The following DLG2 variants were observed in gnomAD, a reference collection of about 807,000 sequenced individuals.
The protein encoded by DLG2 is disks large homolog 2.
Under a neutral mutation model 132.5 loss-of-function variants are expected in DLG2, and 45 were observed. That is an observed-to-expected ratio of 0.34 (90% CI 0.27 to 0.44). The LOEUF (loss-of-function observed/expected upper bound fraction) is 0.44, where lower values mean the gene tolerates loss of function less well. Among genes scored for constraint, DLG2 ranks in the 20% least tolerant of loss-of-function variants. The probability of loss-of-function intolerance (pLI) is 1.00; values close to 1 mark genes in which losing one functional copy is unlikely to be tolerated. For synonymous variants in DLG2, 424 were observed against 419.6 expected, an observed-to-expected ratio of 1.01 and a Z score of -0.13; for missense variants, 1,045 against 1,196.9, an observed-to-expected ratio of 0.87 and a Z score of 1.87.
At chr11:85,312,588 C>T (rs970248870) in intron 3 of DLG2, among the ~76,000 whole-genome samples, 3 of 151,822 alleles carry the variant, frequency 2.0e-5, no homozygotes, top group Non-Finnish European at 4.4e-5. Flanking sequence ...GTCCCCAGAT[C>T]CTAAAGTTTC....
At chr11:84,783,764 T>A (rs970640185) in intron 6 of DLG2, among the ~76,000 whole-genome samples, 7 of 152,146 alleles carry the variant, frequency 4.6e-5, no homozygotes, top group Admixed American at 6.5e-5. Context: ...GGTTTTTGAT[T>A]CCTGTTTCAG....
intron 3 of DLG2, among the ~76,000 whole-genome samples, chr11:85,462,898 G>T (rs1169148731): frequency 1.3e-5 from 2 of 152,032 alleles, no homozygotes; most frequent in East Asian, 3.9e-4. Context: ...CAGAAAGGTG[G>T]GTCATCGATC....
chr11:84,721,507 T>C (rs555593338), intron 6 of DLG2, among the ~76,000 whole-genome samples: 1 of 151,710 alleles, frequency 6.6e-6, no homozygotes, highest in Admixed American at 6.6e-5. Context: ...TTGTTTGTTT[T>C]TTTGTTTTTA....
chr11:83,828,546 TAGA>T (rs1325687426), intron 17 of DLG2, among the ~76,000 whole-genome samples: 1 of 152,222 alleles, frequency 6.6e-6, no homozygotes, highest in Non-Finnish European at 1.5e-5. Context: ...ACATGTTTTT[TAGA>T]AGTTCTTCAT....
chr11:83,514,815 T>G (rs1346228322), intron 21 of DLG2, among the ~76,000 whole-genome samples: 1 of 152,184 alleles, frequency 6.6e-6, no homozygotes, highest in African/African-American at 2.4e-5. Flanking sequence ...TGGTTCTGTT[T>G]ATATGCTGGA....
intron 5 of DLG2, among the ~76,000 whole-genome samples, chr11:85,140,713 CCA>C (rs2076413042): frequency 6.6e-6 from 1 of 151,516 alleles, no homozygotes; most frequent in South Asian, 2.1e-4. Context: ...TTAACCATCC[CCA>C]CTTTTCCCCT....
chr11:84,707,367 G>A (rs2059895501), intron 6 of DLG2, among the ~76,000 whole-genome samples: 1 of 151,862 alleles, frequency 6.6e-6, no homozygotes, highest in Non-Finnish European at 1.5e-5. Flanking sequence ...AGGGTTTTGG[G>A]CACATGCAAA....
At chr11:84,623,098 A>T (rs970148529) in intron 6 of DLG2, among the ~76,000 whole-genome samples, 1 of 152,032 alleles carries the variant, frequency 6.6e-6, no homozygotes, top group Non-Finnish European at 1.5e-5. Context: ...ACTATCCCAA[A>T]CACCACCCTT....
chr11:84,032,153 A>C (rs2095715580), intron 11 of DLG2, among the ~76,000 whole-genome samples: 1 of 152,154 alleles, frequency 6.6e-6, no homozygotes. Flanking sequence ...CCAAATGTTC[A>C]ATTGAAAGGA....
chr11:84,600,159 G>GAAAGAAA (rs2099572500), intron 6 of DLG2, among the ~76,000 whole-genome samples: 158 of 96,142 alleles, frequency 1.6e-3, no homozygotes, highest in Non-Finnish European at 2.6e-3. Context: ...AAAGAAAGAA[G>GAAAGAAA]GAAAGAAAGA....
intron 20 of DLG2, among the ~76,000 whole-genome samples, chr11:83,537,839 AG>A (rs2095934686): frequency 1.1e-5 from 1 of 93,554 alleles, no homozygotes; most frequent in Non-Finnish European, 2.2e-5. Context: ...AAAAAAAGAG[AG>A]AGAGAGATAC....
intron 6 of DLG2, among the ~76,000 whole-genome samples, chr11:84,567,773 C>T (rs541131493): frequency 3.3e-4 from 51 of 152,280 alleles, no homozygotes; most frequent in Non-Finnish European, 2.6e-4. Context: ...TTCCTCCTTA[C>T]GGAAAGTTCA....
At chr11:84,768,838 C>G (rs568499022) in intron 6 of DLG2, among the ~76,000 whole-genome samples, 13 of 151,946 alleles carry the variant, frequency 8.6e-5, no homozygotes, top group Non-Finnish European at 1.5e-4. Flanking sequence ...AAGAATCTCT[C>G]CTTTCCCAGA....
At chr11:83,619,016 G>C (rs1237850115) in intron 19 of DLG2, among the ~76,000 whole-genome samples, 2 of 152,116 alleles carry the variant, frequency 1.3e-5, no homozygotes, top group East Asian at 3.9e-4. Flanking sequence ...ATCCTATGTA[G>C]TATTTTATAA....
intron 15 of DLG2, among the ~76,000 whole-genome samples, chr11:83,897,248 C>G (rs796915611): frequency 6.6e-5 from 10 of 152,272 alleles, no homozygotes; most frequent in African/African-American, 2.4e-4. Flanking sequence ...GTTAGTTACT[C>G]CTATTTGGGC....
Position 84,307,044 on chromosome 11 carries a change from C to G in DLG2, c.520-55753G>C, listed in dbSNP as rs1164951605. Reference sequence around the variant, plus strand: ...AATTATTCTACTATAAACACACATGCACGTGTATGTTCTTTGCAGCACTTT... The same window carrying G: ...AATTATTCTACTATAAACACACATGGACGTGTATGTTCTTTGCAGCACTTT... On this transcript the variant is annotated intron_variant, in intron 7 of 27. Transcript: ENST00000376104. Among the ~76,000 whole-genome samples the G allele has an allele frequency of 3.3e-5, 5 of 152,132 alleles. No homozygotes were observed. The South Asian group carries it at 8.3e-4, about 25-fold the overall frequency.
intron 11 of DLG2, among the ~76,000 whole-genome samples, chr11:83,982,157 A>G (rs2092838902): frequency 6.6e-6 from 1 of 152,160 alleles, no homozygotes; most frequent in Non-Finnish European, 1.5e-5. Flanking sequence ...AATGATAATA[A>G]ATAACTATGT....
At chr11:84,219,178 G>T (rs1429086965) in intron 8 of DLG2, among the ~76,000 whole-genome samples, 1 of 152,166 alleles carries the variant, frequency 6.6e-6, no homozygotes, top group Non-Finnish European at 1.5e-5. Context: ...ACTAAGATAT[G>T]CATTTCCTCT....
chr11:85,243,975 T>TA (rs1381200414), intron 4 of DLG2, among the ~76,000 whole-genome samples: 4 of 151,970 alleles, frequency 2.6e-5, no homozygotes, highest in African/African-American at 9.7e-5. Context: ...ATCATCTCCT[T>TA]AGAGTTGCTA....
Sources: allele counts gnomAD v4.1 joint callset (sites outside exome capture counted in the v4.1 genomes callset), GRCh38; gene constraint gnomAD v4.1.1; transcripts MANE v1.5; gene names NCBI Gene and HGNC (gene_info 2026-07-23, HGNC 2026-07-21).